Variants in KIF16B observed in about 807,000 individuals in gnomAD.
The protein encoded by KIF16B is kinesin-like protein KIF16B.
A neutral mutation model predicts 156.3 loss-of-function variants in KIF16B; 98 were observed. The ratio of observed to expected loss-of-function variants is 0.63; its 90% CI spans 0.53 to 0.74. The LOEUF is 0.74. Among genes scored for constraint, KIF16B ranks in the 30% least tolerant of loss-of-function variants. The pLI is 0.00. For missense variants in KIF16B, 1,421 were observed against 1,606.5 expected, an observed-to-expected ratio of 0.88 and a Z score of 1.97; for synonymous variants, 564 against 583.7, an observed-to-expected ratio of 0.97 and a Z score of 0.49.
At chr20:16,466,218 C>T (rs2067486187) in intron 12 of KIF16B, among the ~76,000 whole-genome samples, 1 of 152,172 alleles carries the variant, frequency 6.6e-6, no homozygotes, top group African/African-American at 2.4e-5. Context: ...GTTTCCAGTT[C>T]AGCATGTTCC....
At chr20:16,506,773 T>G (rs2068793274) in intron 7 of KIF16B, among the ~76,000 whole-genome samples, 1 of 152,132 alleles carries the variant, frequency 6.6e-6, no homozygotes, top group African/African-American at 2.4e-5. Context: ...GATTACTATA[T>G]TTTTATAGAA....
At chr20:16,431,017 T>C (rs2066485157) in intron 12 of KIF16B, among the ~76,000 whole-genome samples, 1 of 152,074 alleles carries the variant, frequency 6.6e-6, no homozygotes, top group African/African-American at 2.4e-5. Context: ...CCCATCTCAG[T>C]AAATACCAAC....
At chr20:16,298,612 C>T (rs757739281) in intron 25 of KIF16B, among the ~76,000 whole-genome samples, 6 of 152,130 alleles carry the variant, frequency 3.9e-5, no homozygotes, top group Non-Finnish European at 4.4e-5. Context: ...TGAGCATGAA[C>T]GGTGACTGTC....
At chr20:16,542,760 C>T (rs2070253739) in intron 1 of KIF16B, among the ~76,000 whole-genome samples, 1 of 152,338 alleles carries the variant, frequency 6.6e-6, no homozygotes, top group African/African-American at 2.4e-5. Context: ...CCAAATCATG[C>T]CAGTTCTTGC....
rs546270292 is a variant in KIF16B at position 16,430,683 on chromosome 20, C to A, written c.1303-701G>T. 5.9e-5 allele frequency among the ~76,000 whole-genome samples: 9 copies of A among 152,142 alleles called. No individual in the cohort carries two copies. In the East Asian group the frequency reaches 1.7e-3, roughly 30 times the overall value. On this transcript the variant is annotated intron_variant, in intron 12 of 25. Transcript: ENST00000354981. ...TCTATGAAGGTTATTGTCTTTGGGA[C>A]TCTTCTTTACCGACACTGACTCTCC...
At chr20:16,300,408 T>A (rs979333115) in intron 25 of KIF16B, among the ~76,000 whole-genome samples, 1 of 152,194 alleles carries the variant, frequency 6.6e-6, no homozygotes, top group Non-Finnish European at 1.5e-5. Flanking sequence ...ATTTAAATTA[T>A]ACTCTCAAGA....
At chr20:16,449,041 G>T (rs1345345546) in intron 12 of KIF16B, among the ~76,000 whole-genome samples, 1 of 152,104 alleles carries the variant, frequency 6.6e-6, no homozygotes, top group African/African-American at 2.4e-5. Context: ...GAATGAAAGT[G>T]TCAAGAATAA....
At chr20:16,376,395 C>G (rs1220332759) in intron 19 of KIF16B, among the ~76,000 whole-genome samples, 6 of 152,206 alleles carry the variant, frequency 3.9e-5, no homozygotes. Context: ...GTTCAGGACA[C>G]TGTTGTCCAG....
intron 17 of KIF16B, among the ~76,000 whole-genome samples, chr20:16,401,814 C>T (rs972035992): frequency 1.3e-5 from 2 of 152,188 alleles, no homozygotes; most frequent in African/African-American, 4.8e-5. Flanking sequence ...AAGTGCAGAT[C>T]CAAGCCACTA....
chr20:16,282,488 A>G (rs2063161381), intron 25 of KIF16B, among the ~76,000 whole-genome samples: 1 of 152,092 alleles, frequency 6.6e-6, no homozygotes, highest in South Asian at 2.1e-4. Context: ...GGGAAAGGAA[A>G]GGCTGTATGC....
chr20:16,283,688 G>A (rs2063180850), intron 25 of KIF16B, among the ~76,000 whole-genome samples: 1 of 152,202 alleles, frequency 6.6e-6, no homozygotes, highest in Non-Finnish European at 1.5e-5. Context: ...GTTGTGGCTG[G>A]AAGCAACACC....
intron 12 of KIF16B, among the ~76,000 whole-genome samples, chr20:16,463,578 C>T (rs907034189): frequency 1.8e-4 from 27 of 152,238 alleles, no homozygotes; most frequent in Admixed American, 7.8e-4. Flanking sequence ...GATAAAAATG[C>T]ACTTAAAGTC....
chr20:16,562,413 CCGT>C (rs2071094905), intron 1 of KIF16B, among the ~76,000 whole-genome samples: 3 of 152,168 alleles, frequency 2.0e-5, no homozygotes, highest in African/African-American at 7.2e-5. Flanking sequence ...GCTCAGCCCT[CCGT>C]CACCCCTCAC....
intron 12 of KIF16B, among the ~76,000 whole-genome samples, chr20:16,435,637 G>A (rs981475821): frequency 1.3e-5 from 2 of 151,940 alleles, no homozygotes; most frequent in African/African-American, 2.4e-5. Flanking sequence ...TTTGTTGACC[G>A]TCTACTTCAA....
intron 1 of KIF16B, among the ~76,000 whole-genome samples, chr20:16,559,893 T>C (rs909764859): frequency 1.3e-5 from 2 of 152,138 alleles, no homozygotes; most frequent in Non-Finnish European, 2.9e-5. Flanking sequence ...ATAAAGTCTA[T>C]TCAGATTTGT....
chr20:16,289,911 T>C, intron 25 of KIF16B, among the ~76,000 whole-genome samples: 1 of 152,188 alleles, frequency 6.6e-6, no homozygotes, highest in Non-Finnish European at 1.5e-5. Flanking sequence ...GAAAATCACA[T>C]TTAAAAATAA....
chr20:16,513,634 T>A, intron 4 of KIF16B, among the ~76,000 whole-genome samples: 1 of 127,394 alleles, frequency 7.8e-6, no homozygotes, highest in African/African-American at 3.0e-5. Flanking sequence ...CATTCCAGCC[T>A]AGGCAACAAG....
intron 1 of KIF16B, among the ~76,000 whole-genome samples, chr20:16,558,921 A>T (rs2070955196): frequency 7.2e-6 from 1 of 138,580 alleles, no homozygotes; most frequent in Non-Finnish European, 1.6e-5. Context: ...AAAAAAAAAA[A>T]CCAAGTGGGG....
At chr20:16,362,799 G>C (rs2064576008) in intron 22 of KIF16B, among the ~76,000 whole-genome samples, 1 of 152,150 alleles carries the variant, frequency 6.6e-6, no homozygotes, top group African/African-American at 2.4e-5. Context: ...ATATGAGCAA[G>C]AAGTCCTACA....
Sources: allele counts gnomAD v4.1 joint callset (sites outside exome capture counted in the v4.1 genomes callset), GRCh38; gene constraint gnomAD v4.1.1; transcripts MANE v1.5; gene names NCBI Gene and HGNC (gene_info 2026-07-23, HGNC 2026-07-21).